Variants in UBE2E3 observed in about 807,000 individuals in gnomAD.
The protein encoded by UBE2E3 is ubiquitin conjugating enzyme E2 E3.
A neutral mutation model predicts 23.6 loss-of-function variants in UBE2E3; 5 were observed. The ratio of observed to expected loss-of-function variants is 0.21; its 90% CI spans 0.11 to 0.44. UBE2E3 has a LOEUF of 0.44. Ranked by LOEUF, UBE2E3 falls within the 20% of genes least tolerant of loss-of-function variation. The probability of loss-of-function intolerance (pLI) is 0.99; values close to 1 mark genes in which losing one functional copy is unlikely to be tolerated. For synonymous variants in UBE2E3, 78 were observed against 87.5 expected (o/e 0.89, Z 0.60); for missense variants, 81 against 249.8 (o/e 0.32, Z 4.55).
intron 4 of UBE2E3, among the ~76,000 whole-genome samples, chr2:181,060,363 G>A (rs1214730548): frequency 6.6e-6 from 1 of 151,618 alleles, no homozygotes; most frequent in African/African-American, 2.4e-5. Context: ...ACACACAGTT[G>A]TATATGCTGT....
At position 180,980,675 on chromosome 2, in the gene UBE2E3, G is replaced by T; in HGVS notation, c.-324G>T. On this transcript the variant is annotated 5_prime_UTR_variant, in exon 1 of 6. Transcript: ENST00000410062. The surrounding 1 kb of genome is among the most constrained non-coding windows in gnomAD (Gnocchi z 5.5). ...GCGGCGGGAGGCTACAGCGCGCGGG[G>T]GTCTCCCGCGTCCCCTCCGCCTCGC... 6.7e-6 allele frequency: 1 copy of T among 148,718 alleles called. No homozygotes were observed. The highest frequency in any genetic ancestry group is 2.1e-4 in the South Asian group (1 of 4,802). 9.2% of individuals were successfully genotyped at this position (148,718 alleles called of 1,614,324 possible).
At chr2:181,044,286 T>G (rs1297257342) in intron 3 of UBE2E3, among the ~76,000 whole-genome samples, 1 of 152,144 alleles carries the variant, frequency 6.6e-6, no homozygotes, top group Non-Finnish European at 1.5e-5. Context: ...GTGCAAAATA[T>G]ACAGTGCTAC....
At chr2:180,981,976 A>G (rs1251489887) in intron 1 of UBE2E3, 42 bp from the exon 2 acceptor site, 1 of 1,415,606 alleles carries the variant, frequency 7.1e-7, no homozygotes, top group African/African-American at 1.4e-5. Flanking sequence ...TATTTCCTAG[A>G]TTTAACATTT....
At chr2:181,054,017 C>CTTA (rs963752154) in intron 3 of UBE2E3, among the ~76,000 whole-genome samples, 1 of 151,798 alleles carries the variant, frequency 6.6e-6, no homozygotes, top group Non-Finnish European at 1.5e-5. Context: ...CTTTTCATGG[C>CTTA]TTGATAGCTC....
At chr2:181,027,865 C>T (rs1479907297) in intron 3 of UBE2E3, among the ~76,000 whole-genome samples, 2 of 151,970 alleles carry the variant, frequency 1.3e-5, no homozygotes, top group Non-Finnish European at 2.9e-5. Flanking sequence ...CCCTTATCAT[C>T]AATCATGTAC....
At chr2:181,051,681 A>G (rs1439051694) in intron 3 of UBE2E3, among the ~76,000 whole-genome samples, 1 of 151,892 alleles carries the variant, frequency 6.6e-6, no homozygotes, top group African/African-American at 2.4e-5. Flanking sequence ...TTAATTTTCA[A>G]TATTATGCAT....
At chr2:181,019,645 C>T (rs548751392) in intron 3 of UBE2E3, among the ~76,000 whole-genome samples, 5 of 151,976 alleles carry the variant, frequency 3.3e-5, no homozygotes, top group East Asian at 3.9e-4. Context: ...AGTCTACTTA[C>T]TATTAGTTTT....
chr2:181,028,548 G>T (rs1307443297), intron 3 of UBE2E3, among the ~76,000 whole-genome samples: 1 of 152,044 alleles, frequency 6.6e-6, no homozygotes, highest in East Asian at 1.9e-4. Flanking sequence ...TGCGCTGCAG[G>T]TTTATCAACT....
At chr2:180,991,228 C>T (rs1466102742) in intron 3 of UBE2E3, among the ~76,000 whole-genome samples, 1 of 151,982 alleles carries the variant, frequency 6.6e-6, no homozygotes, top group Non-Finnish European at 1.5e-5. Flanking sequence ...ATAGTTCCCC[C>T]TTATCTGTGG....
At chr2:180,991,494 A>G (rs1250311147) in intron 3 of UBE2E3, among the ~76,000 whole-genome samples, 2 of 152,180 alleles carry the variant, frequency 1.3e-5, no homozygotes, top group Admixed American at 1.3e-4. Context: ...ACCGATTTTG[A>G]TAGTGGAGTC....
chr2:181,012,023 G>T (rs1193857906), intron 3 of UBE2E3, among the ~76,000 whole-genome samples: 1 of 152,128 alleles, frequency 6.6e-6, no homozygotes, highest in Admixed American at 6.6e-5. Context: ...TGGAAGCATA[G>T]CTCCGCTTTG....
chr2:181,030,884 T>C (rs1309072221), intron 3 of UBE2E3, among the ~76,000 whole-genome samples: 4 of 152,154 alleles, frequency 2.6e-5, no homozygotes, highest in African/African-American at 4.8e-5. Context: ...CTATGTTTTA[T>C]TAGTCTTGAC....
chr2:181,048,990 C>T (rs1238582882), intron 3 of UBE2E3, among the ~76,000 whole-genome samples: 2 of 152,022 alleles, frequency 1.3e-5, no homozygotes, highest in East Asian at 3.9e-4. Flanking sequence ...TACCTTTTCT[C>T]CCTCTCTTGG....
At chr2:181,040,972 G>C (rs997838971) in intron 3 of UBE2E3, among the ~76,000 whole-genome samples, 1 of 152,026 alleles carries the variant, frequency 6.6e-6, no homozygotes, top group East Asian at 1.9e-4. Context: ...CTTCAGGGCC[G>C]AGTGCAGTGG....
intron 3 of UBE2E3, among the ~76,000 whole-genome samples, chr2:180,994,941 G>A (rs1004903974): frequency 6.6e-6 from 1 of 152,160 alleles, no homozygotes; most frequent in Non-Finnish European, 1.5e-5. Flanking sequence ...AATCGTTAAT[G>A]TAAATATTAA....
rs1310567233 is a variant in UBE2E3, at chr2:180,984,034, CACTA to C, written c.195-6_195-3del. The C allele has an allele frequency of 1.1e-5, 18 of 1,609,294 alleles. No homozygotes were observed. Among genetic ancestry groups the C allele is most frequent in the African/African-American group, 2.7e-5 (2 of 74,886 alleles). On this transcript the variant is annotated splice_polypyrimidine_tract_variant and splice_region_variant and intron_variant, in intron 2 of 5. Coordinates refer to ENST00000410062, the MANE Select transcript of UBE2E3 (RefSeq NM_006357.4). ...AAATCCTTTTTGTCTCTTCTCATTT[CACTA>C]ACAGAATTCAGAAGGAGCTAGCTGA...
chr2:181,044,407 G>A (rs1239666568), intron 3 of UBE2E3, among the ~76,000 whole-genome samples: 2 of 152,068 alleles, frequency 1.3e-5, no homozygotes, highest in Non-Finnish European at 2.9e-5. Flanking sequence ...ATGGCAAGAA[G>A]GATGCCAAAT....
chr2:180,990,569 TGAA>T (rs1266739515), intron 3 of UBE2E3, among the ~76,000 whole-genome samples: 2 of 152,238 alleles, frequency 1.3e-5, no homozygotes, highest in African/African-American at 4.8e-5. Context: ...ATTTTTTATG[TGAA>T]ACCACAGGAA....
chr2:180,989,829 T>C (rs1208846124), intron 3 of UBE2E3: 1 of 1,507,324 alleles, frequency 6.6e-7, no homozygotes, highest in Non-Finnish European at 8.9e-7. Flanking sequence ...TAGTACTTTA[T>C]GCTCTCCTTA....
Sources: allele counts gnomAD v4.1 joint callset (sites outside exome capture counted in the v4.1 genomes callset), GRCh38; gene constraint gnomAD v4.1.1; non-coding constraint Gnocchi (gnomAD v3.1); transcripts MANE v1.5; gene names NCBI Gene and HGNC (gene_info 2026-07-23, HGNC 2026-07-21).